The following CSNK2A2IP variants were observed in gnomAD, a reference collection of about 807,000 sequenced individuals.
CSNK2A2IP encodes the protein casein kinase 2 subunit alpha' interacting protein.
chr3:88,419,438 A>G, the CSNK2A2IP span, among the ~76,000 whole-genome samples: 1 of 152,116 alleles, frequency 6.6e-6, no homozygotes, highest in South Asian at 2.1e-4. Flanking sequence ...ACATGATTTC[A>G]TTATTTTTTA....
chr3:88,355,924 A>T, the CSNK2A2IP span, among the ~76,000 whole-genome samples: 1 of 152,088 alleles, frequency 6.6e-6, no homozygotes, highest in Non-Finnish European at 1.5e-5. Flanking sequence ...TCCCATAGTT[A>T]ACCGATGCTC....
chr3:88,433,424 A>G, the CSNK2A2IP span, among the ~76,000 whole-genome samples: 4 of 152,162 alleles, frequency 2.6e-5, no homozygotes, highest in Admixed American at 2.0e-4. Flanking sequence ...ATTTTTAAGT[A>G]ACCATTTTTG....
chr3:88,434,147 C>G, the CSNK2A2IP span, among the ~76,000 whole-genome samples: 1 of 151,996 alleles, frequency 6.6e-6, no homozygotes, highest in African/African-American at 2.4e-5. Flanking sequence ...AGTAAGGATC[C>G]TTTGTTTGCA....
chr3:88,356,708 C>T, the CSNK2A2IP span, among the ~76,000 whole-genome samples: 1 of 152,146 alleles, frequency 6.6e-6, no homozygotes, highest in African/African-American at 2.4e-5. Context: ...CTTACATTCA[C>T]ATCAACAGTG....
chr3:88,361,935 T>C, the CSNK2A2IP span, among the ~76,000 whole-genome samples: 186 of 152,164 alleles, frequency 1.2e-3, 1 homozygote, highest in Non-Finnish European at 6.6e-4. Context: ...GCTCAAGAAG[T>C]TTTAAAAATT....
At chr3:88,461,920 G>A in the CSNK2A2IP span, among the ~76,000 whole-genome samples, 1 of 151,568 alleles carries the variant, frequency 6.6e-6, no homozygotes, top group South Asian at 2.1e-4. Flanking sequence ...TGTTTTTTTT[G>A]TAGAGACAGG....
the CSNK2A2IP span, among the ~76,000 whole-genome samples, chr3:88,443,891 T>A: frequency 1.3e-5 from 2 of 150,402 alleles, no homozygotes; most frequent in African/African-American, 2.5e-5. Context: ...ATTAGAGTAA[T>A]AAAAAAAAAA....
At chr3:88,400,774 A>G in the CSNK2A2IP span, among the ~76,000 whole-genome samples, 1 of 152,218 alleles carries the variant, frequency 6.6e-6, no homozygotes, top group Admixed American at 6.5e-5. Flanking sequence ...CTTCTAGCCT[A>G]CAAAAATGGA....
At chr3:88,411,956 A>G in the CSNK2A2IP span, among the ~76,000 whole-genome samples, 1 of 151,760 alleles carries the variant, frequency 6.6e-6, no homozygotes, top group Non-Finnish European at 1.5e-5. Context: ...CTGACTAGAA[A>G]GTTTGAACTT....
chr3:88,418,142 T>C, the CSNK2A2IP span, among the ~76,000 whole-genome samples: 2 of 152,168 alleles, frequency 1.3e-5, no homozygotes, highest in South Asian at 2.1e-4. Context: ...TAATAAAAGG[T>C]ATCTTTAGGG....
At chr3:88,457,899 A>G in the CSNK2A2IP span, among the ~76,000 whole-genome samples, 139 of 151,830 alleles carry the variant, frequency 9.2e-4, no homozygotes, top group East Asian at 1.7e-3. Context: ...AATTTCTTCT[A>G]TGGGAAGCCT....
the CSNK2A2IP span, among the ~76,000 whole-genome samples, chr3:88,346,837 T>G: frequency 6.6e-6 from 1 of 151,990 alleles, no homozygotes; most frequent in Non-Finnish European, 1.5e-5. Context: ...TTTTATTTTT[T>G]AAGGAATACA....
the CSNK2A2IP span, among the ~76,000 whole-genome samples, chr3:88,447,683 A>G: frequency 6.6e-6 from 1 of 152,156 alleles, no homozygotes; most frequent in Non-Finnish European, 1.5e-5. Flanking sequence ...CATAGTAACG[A>G]TAGAATGATA....
At chr3:88,380,528 G>A in the CSNK2A2IP span, among the ~76,000 whole-genome samples, 2 of 151,054 alleles carry the variant, frequency 1.3e-5, no homozygotes, top group South Asian at 2.1e-4. Flanking sequence ...TCACTAGATC[G>A]GTAGAAATTT....
At chr3:88,435,848 G>A in the CSNK2A2IP span, among the ~76,000 whole-genome samples, 1 of 151,670 alleles carries the variant, frequency 6.6e-6, no homozygotes, top group Non-Finnish European at 1.5e-5. Context: ...TATGATTAAT[G>A]AAAGATGTTT....
At chr3:88,441,958 A>C in the CSNK2A2IP span, among the ~76,000 whole-genome samples, 8 of 152,196 alleles carry the variant, frequency 5.3e-5, no homozygotes, top group Admixed American at 4.6e-4. Flanking sequence ...AGCGAAGTTT[A>C]GACAAACTTT....
the CSNK2A2IP span, among the ~76,000 whole-genome samples, chr3:88,438,486 C>A: frequency 1.2e-4 from 18 of 152,142 alleles, no homozygotes; most frequent in Non-Finnish European, 1.9e-4. Flanking sequence ...CCCCACCTTT[C>A]TGTGTAAGTG....
At chr3:88,442,525 T>G in the CSNK2A2IP span, among the ~76,000 whole-genome samples, 1 of 152,148 alleles carries the variant, frequency 6.6e-6, no homozygotes, top group Non-Finnish European at 1.5e-5. Flanking sequence ...GGTAGTTGTT[T>G]TATAATAATA....
At chr3:88,418,463 T>TGTGTGCGCGCGC in the CSNK2A2IP span, among the ~76,000 whole-genome samples, 12,123 of 149,486 alleles carry the variant, frequency 0.081, 575 homozygotes, top group East Asian at 0.15. Context: ...TGTGTGTGTG[T>TGTGTGCGCGCGC]GCGCGCGGGC....
Sources: allele counts gnomAD v4.1 joint callset (sites outside exome capture counted in the v4.1 genomes callset), GRCh38; gene constraint gnomAD v4.1.1; transcripts MANE v1.5; gene names NCBI Gene and HGNC (gene_info 2026-07-23, HGNC 2026-07-21).